The following SGCZ variants were observed in gnomAD, a reference collection of about 807,000 sequenced individuals.
SGCZ encodes the protein zeta-sarcoglycan.
SGCZ carries 40 observed loss-of-function variants against 41.3 expected under a neutral mutation model. The ratio of observed to expected loss-of-function variants is 0.97; its 90% CI spans 0.75 to 1.26. The LOEUF is 1.26. Ranked by LOEUF, SGCZ falls within the 50% of genes most tolerant of loss-of-function variation. The pLI is 0.00. For missense variants in SGCZ, 552 were observed against 369.8 expected (o/e 1.49, Z -4.04); for synonymous variants, 206 against 137.5 (o/e 1.50, Z -3.49).
chr8:14,615,054 G>A (rs1048694648), intron 1 of SGCZ, among the ~76,000 whole-genome samples: 1 of 151,988 alleles, frequency 6.6e-6, no homozygotes, highest in Non-Finnish European at 1.5e-5. Context: ...GATTAAAAGT[G>A]AATTTTGTGA....
Position 14,719,828 on chromosome 8 carries a change from T to C in SGCZ, c.40-164902A>G, listed in dbSNP as rs866811959. Among the ~76,000 whole-genome samples the C allele has an allele frequency of 2.3e-4, 35 of 152,110 alleles. 1 individual carries two copies. The highest frequency in any genetic ancestry group is 8.4e-4 in the African/African-American group (35 of 41,530). On this transcript the variant is annotated intron_variant, in intron 1 of 7. Coordinates refer to ENST00000382080, the MANE Select transcript of SGCZ (RefSeq NM_139167.4). Reference sequence around the variant, plus strand: ...TTGCCTGTTCACTCTGATGGTAGTTTCTTTTGCTGTGCAGAAGCTCTTGAG... The same window carrying C: ...TTGCCTGTTCACTCTGATGGTAGTTCCTTTTGCTGTGCAGAAGCTCTTGAG...
intron 5 of SGCZ, among the ~76,000 whole-genome samples, chr8:14,158,582 A>G (rs550983492): frequency 1.2e-4 from 18 of 152,244 alleles, no homozygotes; most frequent in Admixed American, 3.9e-4. Context: ...ATTCACTATC[A>G]CAGTGGAGAA....
At chr8:15,198,310 A>T (rs1351091015) in intron 1 of SGCZ, among the ~76,000 whole-genome samples, 1 of 151,982 alleles carries the variant, frequency 6.6e-6, no homozygotes, top group Non-Finnish European at 1.5e-5. Context: ...CATTGAACTC[A>T]AATTTTATAT....
chr8:14,772,912 G>A (rs2130400800), intron 1 of SGCZ, among the ~76,000 whole-genome samples: 1 of 152,130 alleles, frequency 6.6e-6, no homozygotes, highest in East Asian at 1.9e-4. Context: ...CTTTATAGCA[G>A]CATGATTTAT....
chr8:14,980,913 T>C (rs1041904180), intron 1 of SGCZ, among the ~76,000 whole-genome samples: 8 of 152,196 alleles, frequency 5.3e-5, no homozygotes, highest in Non-Finnish European at 7.3e-5. Context: ...CTTTAGTCTA[T>C]CTCGCTTCTC....
At chr8:14,692,753 C>G (rs534310106) in intron 1 of SGCZ, among the ~76,000 whole-genome samples, 1 of 152,126 alleles carries the variant, frequency 6.6e-6, no homozygotes, top group Non-Finnish European at 1.5e-5. Context: ...ACAAAATCAC[C>G]TAAATTGTAT....
At chr8:14,429,369 T>G (rs1198522997) in intron 2 of SGCZ, among the ~76,000 whole-genome samples, 1 of 152,106 alleles carries the variant, frequency 6.6e-6, no homozygotes, top group Non-Finnish European at 1.5e-5. Context: ...AGCAGAATGT[T>G]CCAGGCAATA....
intron 1 of SGCZ, among the ~76,000 whole-genome samples, chr8:15,073,480 G>C (rs1013831255): frequency 6.6e-6 from 1 of 152,236 alleles, no homozygotes; most frequent in African/African-American, 2.4e-5. Context: ...TTATGTGTCA[G>C]CCTGGCTAGG....
chr8:14,933,697 C>T (rs1799994542), intron 1 of SGCZ, among the ~76,000 whole-genome samples: 1 of 152,048 alleles, frequency 6.6e-6, no homozygotes, highest in Non-Finnish European at 1.5e-5. Context: ...CGTGATCTGC[C>T]CGCCTTGGCC....
rs530219264 is a variant in SGCZ at position 15,186,070 on chromosome 8, A to T, written c.39+51515T>A. On this transcript the variant is annotated intron_variant, in intron 1 of 7. Transcript: ENST00000382080. ...AACCCCGTCTTTACTAAAAATAAAA[A>T]AAATAAATAAATAAAAAATAAATAA... is the stretch of plus-strand genomic sequence containing the variant. Among the ~76,000 whole-genome samples, 38 of 145,534 alleles carry T rather than the reference A, an allele frequency of 2.6e-4. No homozygotes were observed. In the East Asian group the frequency reaches 4.8e-3, roughly 18 times the overall value.
chr8:14,098,889 C>T (rs1396911932), intron 7 of SGCZ, among the ~76,000 whole-genome samples: 1 of 152,112 alleles, frequency 6.6e-6, no homozygotes, highest in Non-Finnish European at 1.5e-5. Context: ...TGATGAGTGG[C>T]TTGCTTCAGC....
intron 1 of SGCZ, among the ~76,000 whole-genome samples, chr8:14,849,974 T>A (rs1803257076): frequency 6.6e-6 from 1 of 152,186 alleles, no homozygotes; most frequent in South Asian, 2.1e-4. Flanking sequence ...TGGTTTCTTT[T>A]TACATAGGCA....
chr8:14,665,267 G>A (rs1807873585), intron 1 of SGCZ, among the ~76,000 whole-genome samples: 1 of 152,040 alleles, frequency 6.6e-6, no homozygotes, highest in South Asian at 2.1e-4. Context: ...GTGGTGTATG[G>A]TTTTTTGTCC....
chr8:14,223,108 C>T (rs1398973532), intron 4 of SGCZ, among the ~76,000 whole-genome samples: 1 of 151,974 alleles, frequency 6.6e-6, no homozygotes, highest in Admixed American at 6.6e-5. Context: ...TTGCCCCCGG[C>T]CCGTCACAGA....
chr8:14,914,616 A>G (rs548743433), intron 1 of SGCZ, among the ~76,000 whole-genome samples: 2 of 152,342 alleles, frequency 1.3e-5, no homozygotes, highest in East Asian at 3.9e-4. Flanking sequence ...CTATCAGGAA[A>G]ATAATTCAAG....
chr8:14,926,237 T>C (rs1308793626), intron 1 of SGCZ, among the ~76,000 whole-genome samples: 2 of 152,186 alleles, frequency 1.3e-5, no homozygotes, highest in Admixed American at 6.5e-5. Context: ...GTTCAAATTT[T>C]GGACAATTTT....
chr8:14,929,232 C>A (rs1311802820), intron 1 of SGCZ, among the ~76,000 whole-genome samples: 2 of 152,126 alleles, frequency 1.3e-5, no homozygotes, highest in African/African-American at 4.8e-5. Flanking sequence ...ACCTCGTGAT[C>A]CACCCGCCTC....
At chr8:15,054,413 T>C (rs1457458408) in intron 1 of SGCZ, among the ~76,000 whole-genome samples, 1 of 152,082 alleles carries the variant, frequency 6.6e-6, no homozygotes, top group Non-Finnish European at 1.5e-5. Flanking sequence ...CAGATCCTGG[T>C]GTCACCCCCA....
At chr8:14,680,228 G>A in intron 1 of SGCZ, among the ~76,000 whole-genome samples, 1 of 152,082 alleles carries the variant, frequency 6.6e-6, no homozygotes, top group Admixed American at 6.6e-5. Flanking sequence ...AAAACATGGT[G>A]GAATTTTAGG....
Sources: gnomAD v4.1 joint callset for allele counts (sites outside exome capture counted in the v4.1 genomes callset) on GRCh38, gnomAD v4.1.1 for gene constraint, MANE v1.5 for transcripts, NCBI Gene and HGNC (gene_info 2026-07-23, HGNC 2026-07-21) for gene names.